The following XXYLT1 variants were observed in gnomAD, a reference collection of about 807,000 sequenced individuals.
XXYLT1 encodes the protein UDP-xylose:alpha-xyloside alpha-1,3-xylosyltransferase.
XXYLT1 carries 20 observed loss-of-function variants against 28.9 expected under a neutral mutation model. The observed-to-expected ratio is 0.69, with a 90% CI of 0.49 to 1.00. The LOEUF (loss-of-function observed/expected upper bound fraction) is 1.00, where lower values mean the gene tolerates loss of function less well. XXYLT1 is among the 50% of genes least tolerant of loss of function. XXYLT1 has a pLI of 0.00. For synonymous variants in XXYLT1, 257 were observed against 253.8 expected, an observed-to-expected ratio of 1.01 and a Z score of -0.12; for missense variants, 542 against 560.1, an observed-to-expected ratio of 0.97 and a Z score of 0.33.
At chr3:195,226,619 C>T (rs2108801940) in intron 2 of XXYLT1, 90 bp downstream of exon 2, 5 of 1,500,514 alleles carry the variant, frequency 3.3e-6, no homozygotes, top group Non-Finnish European at 4.5e-6. Flanking sequence ...GCTATTCTCC[C>T]TGATACAGGG....
intron 2 of XXYLT1, among the ~76,000 whole-genome samples, chr3:195,207,696 AC>A (rs1723133618): frequency 6.6e-6 from 1 of 152,178 alleles, no homozygotes; most frequent in South Asian, 2.1e-4. Flanking sequence ...TATTTATCTT[AC>A]AGATAAATAA....
At chr3:195,098,809 C>T (rs116777795) in intron 3 of XXYLT1, among the ~76,000 whole-genome samples, 1,868 of 152,314 alleles carry the variant, frequency 0.012, 19 homozygotes, top group Middle Eastern at 0.051. Flanking sequence ...TCACTCTCTG[C>T]CTCATTCCAA....
chr3:195,110,667 T>A (rs1717615145), intron 3 of XXYLT1, among the ~76,000 whole-genome samples: 1 of 80,628 alleles, frequency 1.2e-5, no homozygotes, highest in African/African-American at 4.0e-5. Context: ...GTGTTGTGTG[T>A]GGTGTATGTG....
Position 195,070,108 on chromosome 3 carries a change from G to A in XXYLT1, c.789C>T (p.His263=), listed in dbSNP as rs770990696. The A allele has an allele frequency of 1.9e-6, 3 of 1,561,678 alleles. No homozygotes were observed. Among genetic ancestry groups the A allele is most frequent in the African/African-American group, 2.7e-5 (2 of 73,938 alleles). ...IAREMQPVYR[H]TFWQFRHENP... is the part of the protein sequence containing the mutation. ...TCTCATGGCGGAACTGCCAGAATGT[G>A]TGCCTGTGGAGAGAGAGGACAGAGT... Residue 263 remains histidine, a synonymous_variant, in exon 4 of 4, where the codon CAC becomes CAT. Transcript: ENST00000310380.
rs1184934088 is a variant in XXYLT1, at chr3:195,176,697, G to A, written c.653-20116C>T. Among the ~76,000 whole-genome samples, 1 of 152,182 alleles carries A rather than the reference G, an allele frequency of 6.6e-6. No individual in the cohort carries two copies. On this transcript the variant is annotated intron_variant, in intron 2 of 3. Coordinates refer to ENST00000310380, the MANE Select transcript of XXYLT1 (RefSeq NM_152531.5). This position sits in a 1 kb window ranked among gnomAD's most constrained non-coding sequence, Gnocchi z 4.9. ...TAATCTGTATCCCACACCACAGCTG[G>A]CACTCCCTTACGCTTACCTAAGGAC...
In XXYLT1 at chr3:195,226,809, G is replaced by A. The variant is rs372667417; in HGVS notation, c.552C>T (p.Ile184=). 9.9e-6 allele frequency: 16 copies of A among 1,613,642 alleles called. No individual in the cohort carries two copies. The highest frequency in any genetic ancestry group is 6.6e-5 in the South Asian group (6 of 91,046). The change falls in exon 2 of 4, where the codon ATC becomes ATT. Residue 184 remains isoleucine (I), a synonymous_variant. Transcript: ENST00000310380. ...VAVLTDKLFP[I]VEAMQKHFSA... is the part of the protein sequence containing the mutation. The stretch of plus-strand genomic sequence containing the variant: ...TGAAGTGCTTCTGCATGGCCTCCAC[G>A]ATGGGGAAGAGCTTATCCGTCAGCA...
chr3:195,270,375 T>C, intron 1 of XXYLT1, 180 bp downstream of exon 1: 1 of 957,546 alleles, frequency 1.0e-6, no homozygotes, highest in South Asian at 4.8e-5. Context: ...TGAGGGCGTC[T>C]GGCTCCCGGA....
At chr3:195,213,151 A>G (rs1050323338) in intron 2 of XXYLT1, among the ~76,000 whole-genome samples, 2 of 152,202 alleles carry the variant, frequency 1.3e-5, no homozygotes, top group African/African-American at 4.8e-5. Context: ...GCTGGCTGAT[A>G]TGAGGTAGCT....
intron 2 of XXYLT1, among the ~76,000 whole-genome samples, chr3:195,185,087 AAGGAAGGAAGGAAGGAAGGAAGGAAGG>A (rs1186803230): frequency 0.024 from 1,338 of 55,122 alleles, 35 homozygotes; most frequent in African/African-American, 0.041. Context: ...AAGAAGGAAG[AAGGAAGGAAGGAAGGAAGGAAGGAAGG>A]AAGGAAGGAA....
At chr3:195,196,321 C>T (rs534141873) in intron 2 of XXYLT1, among the ~76,000 whole-genome samples, 18 of 152,324 alleles carry the variant, frequency 1.2e-4, no homozygotes, top group East Asian at 3.9e-4. Context: ...CTGCAGGGTG[C>T]GGCAGGAAGC....
At position 195,099,830 on chromosome 3, in the gene XXYLT1, CAA is replaced by C. The variant is rs35428286; in HGVS notation, c.786-29721_786-29720del. On this transcript the variant is annotated intron_variant, in intron 3 of 3. Transcript: ENST00000310380. ...TGGGCGACACAGCGAGACTCTGTCTCAAAAAAAAAAAAAAAAAAAAATGCAGT... is the reference window on the plus strand; with the variant it reads ...TGGGCGACACAGCGAGACTCTGTCTCAAAAAAAAAAAAAAAAAAATGCAGT... 3.3e-3 allele frequency among the ~76,000 whole-genome samples: 322 copies of C among 97,210 alleles called. 1 individual carries two copies. The highest frequency in any genetic ancestry group is 5.8e-3 in the African/African-American group (169 of 29,092). The allele number at this position is 97,210 out of a possible 152,430, so 63.8% of individuals were successfully genotyped here. A position where few individuals can be genotyped will look rare whatever the true frequency, so the allele number is the denominator to read the frequency against.
At chr3:195,100,599 G>C (rs966058388) in intron 3 of XXYLT1, among the ~76,000 whole-genome samples, 1 of 151,802 alleles carries the variant, frequency 6.6e-6, no homozygotes, top group Non-Finnish European at 1.5e-5. Context: ...CACTCTCCCC[G>C]GCACTCTCCC....
chr3:195,143,812 A>ATATATTTTTTTTTTTT (rs1719635756), intron 3 of XXYLT1, among the ~76,000 whole-genome samples: 1 of 94,850 alleles, frequency 1.1e-5, no homozygotes. Context: ...ATAGATATAT[A>ATATATTTTTTTTTTTT]TAGATATAGA....
intron 1 of XXYLT1, among the ~76,000 whole-genome samples, chr3:195,233,724 ATTAT>A (rs1341162904): frequency 2.6e-5 from 4 of 152,174 alleles, no homozygotes; most frequent in African/African-American, 9.7e-5. Context: ...TTGAAAAGTT[ATTAT>A]TTTTGATTGG....
In XXYLT1 at chr3:195,262,778, A is replaced by C. The variant is rs184801573; in HGVS notation, c.504+7777T>G. Among the ~76,000 whole-genome samples, 271 of 152,386 alleles carry C rather than the reference A, an allele frequency of 1.8e-3. 1 individual carries two copies. Among genetic ancestry groups the C allele is most frequent in the African/African-American group, 5.1e-3 (212 of 41,598 alleles). On this transcript the variant is annotated intron_variant, in intron 1 of 3. Transcript: ENST00000310380. The stretch of plus-strand genomic sequence containing the variant: ...AGTTATTCCCCTTAGATCTGTGATC[A>C]TAAAGTTTTCCATAAGAAACATACA...
At chr3:195,154,192 T>C (rs1284322768) in intron 3 of XXYLT1, 3 of 151,960 alleles carry the variant, frequency 2.0e-5, no homozygotes, top group Admixed American at 1.3e-4. Context: ...CTCTCTAAAA[T>C]GATAATTGGA....
Position 195,129,320 on chromosome 3 carries a change from A to T in XXYLT1, c.785+27129T>A, listed in dbSNP as rs945833131. Reference sequence around the variant, plus strand: ...CAATTCAGTGGATTTTAGTATGCTCACAGAGTTGTGTAACTATGACACAAT... The same window carrying T: ...CAATTCAGTGGATTTTAGTATGCTCTCAGAGTTGTGTAACTATGACACAAT... On this transcript the variant is annotated intron_variant, in intron 3 of 3. Coordinates refer to ENST00000310380, the MANE Select transcript of XXYLT1 (RefSeq NM_152531.5). The surrounding 1 kb of genome is among the most constrained non-coding windows in gnomAD (Gnocchi z 4.4). Among the ~76,000 whole-genome samples the T allele has an allele frequency of 2.0e-5, 3 of 152,208 alleles. No individual in the cohort carries two copies. The highest frequency in any genetic ancestry group is 7.2e-5 in the African/African-American group (3 of 41,468).
intron 2 of XXYLT1, among the ~76,000 whole-genome samples, chr3:195,199,334 G>A (rs1325727015): frequency 2.6e-5 from 4 of 152,128 alleles, no homozygotes; most frequent in East Asian, 1.9e-4. Flanking sequence ...TTTTTGGGCC[G>A]GGCGCGGTGG....
intron 1 of XXYLT1, among the ~76,000 whole-genome samples, chr3:195,258,539 G>A (rs1169395221): frequency 6.6e-6 from 1 of 152,130 alleles, no homozygotes; most frequent in African/African-American, 2.4e-5. Context: ...CGTTCATAGA[G>A]GCGACTCTGT....
Sources: allele counts gnomAD v4.1 joint callset (sites outside exome capture counted in the v4.1 genomes callset), GRCh38; gene constraint gnomAD v4.1.1; non-coding constraint Gnocchi (gnomAD v3.1); transcripts MANE v1.5; gene names NCBI Gene and HGNC (gene_info 2026-07-23, HGNC 2026-07-21).